PRICKLE2: variants seen among roughly 807,000 people sequenced by gnomAD.
PRICKLE2 encodes prickle-like protein 2.
A neutral mutation model predicts 81.4 loss-of-function variants in PRICKLE2; 21 were observed. The ratio of observed to expected loss-of-function variants is 0.26; its 90% CI spans 0.18 to 0.37. The LOEUF is 0.37. Ranked by LOEUF, PRICKLE2 falls within the 10% of genes least tolerant of loss-of-function variation. The pLI, the probability that PRICKLE2 is intolerant of heterozygous loss-of-function variation, is 1.00. For missense variants in PRICKLE2, 940 were observed against 1,109.0 expected, an observed-to-expected ratio of 0.85 and a Z score of 2.16; for synonymous variants, 456 against 421.5, an observed-to-expected ratio of 1.08 and a Z score of -1.00.
intron 2 of PRICKLE2, among the ~76,000 whole-genome samples, chr3:64,238,222 C>G (rs1331773206): frequency 5.9e-5 from 9 of 152,126 alleles, no homozygotes. Context: ...TGGGGTGGCT[C>G]ACACCCGTAA....
intron 1 of PRICKLE2, among the ~76,000 whole-genome samples, chr3:64,216,636 G>A (rs181456663): frequency 2.0e-5 from 3 of 152,196 alleles, no homozygotes; most frequent in East Asian, 1.9e-4. Context: ...GGCAAACAAC[G>A]TGAGTGTTTA....
At chr3:64,225,672 G>GA (rs1302269070), upstream of PRICKLE2, among the ~76,000 whole-genome samples, 1 of 151,916 alleles carries the variant, frequency 6.6e-6, no homozygotes, top group South Asian at 2.1e-4. Flanking sequence ...AAATGAGCAT[G>GA]AAAAAAATCA....
At chr3:64,179,233 T>C (rs2078084184) in intron 2 of PRICKLE2, among the ~76,000 whole-genome samples, 1 of 151,854 alleles carries the variant, frequency 6.6e-6, no homozygotes, top group Non-Finnish European at 1.5e-5. Context: ...TGTACCACCA[T>C]GCCTGGCTAA....
chr3:64,129,031 G>A (rs1174331606), intron 7 of PRICKLE2, among the ~76,000 whole-genome samples: 1 of 152,066 alleles, frequency 6.6e-6, no homozygotes, highest in African/African-American at 2.4e-5. Context: ...CTACCCACCA[G>A]ATCACAAGCC....
rs190045730 is a variant in PRICKLE2, at chr3:64,203,707, C to T, written c.-40-4740G>A. On this transcript the variant is annotated intron_variant, in intron 1 of 7. Coordinates refer to ENST00000638394, the MANE Select transcript of PRICKLE2 (RefSeq NM_198859.4). ...AAAGAGACGATGGGGAGGGCTGAGG[C>T]CCCATGTGGTCATTCAACAAATAAC... 2.6e-4 allele frequency among the ~76,000 whole-genome samples: 40 copies of T among 151,634 alleles called. No homozygotes were observed. In the East Asian group the frequency reaches 5.7e-3, roughly 22 times the overall value.
At chr3:64,169,719 A>G (rs966055198) in intron 2 of PRICKLE2, among the ~76,000 whole-genome samples, 3 of 152,194 alleles carry the variant, frequency 2.0e-5, no homozygotes, top group Non-Finnish European at 4.4e-5. Flanking sequence ...TATAAAATCC[A>G]ACTTAACCCA....
At chr3:64,198,708 G>A in intron 2 of PRICKLE2, 76 bp downstream of exon 2, 1 of 1,457,670 alleles carries the variant, frequency 6.9e-7, no homozygotes, top group Non-Finnish European at 9.6e-7. Flanking sequence ...TCTTCCTACA[G>A]AACTGGAATG....
intron 1 of PRICKLE2, among the ~76,000 whole-genome samples, chr3:64,217,429 G>A (rs1575678587): frequency 6.6e-6 from 1 of 152,126 alleles, no homozygotes; most frequent in South Asian, 2.1e-4. Context: ...TATCCATCAC[G>A]TAAATAGTGT....
At chr3:64,212,170 G>C (rs1310680907) in intron 1 of PRICKLE2, among the ~76,000 whole-genome samples, 3 of 152,192 alleles carry the variant, frequency 2.0e-5, no homozygotes, top group African/African-American at 7.2e-5. Context: ...GTGCAAGGCT[G>C]TGGGGTATCT....
intron 6 of PRICKLE2, among the ~76,000 whole-genome samples, chr3:64,152,418 G>C (rs1246324558): frequency 6.6e-6 from 1 of 152,162 alleles, no homozygotes; most frequent in Non-Finnish European, 1.5e-5. Flanking sequence ...AGCGTTAAAG[G>C]GTTGAACAAA....
chr3:64,163,267 A>G (rs2107046356), intron 2 of PRICKLE2, 138 bp from the exon 3 acceptor site: 4 of 724,294 alleles, frequency 5.5e-6, no homozygotes, highest in Non-Finnish European at 5.1e-6. Flanking sequence ...TCAACAGCAG[A>G]TGAGTTTCCT....
At chr3:64,205,060 C>T (rs186383343) in intron 1 of PRICKLE2, among the ~76,000 whole-genome samples, 1 of 141,576 alleles carries the variant, frequency 7.1e-6, no homozygotes, top group East Asian at 2.1e-4. Context: ...TTTAAATAGA[C>T]ATTTATGAAA....
At chr3:64,215,100 TA>T (rs1409760075) in intron 1 of PRICKLE2, among the ~76,000 whole-genome samples, 2 of 152,128 alleles carry the variant, frequency 1.3e-5, no homozygotes, top group Non-Finnish European at 2.9e-5. Flanking sequence ...CTCTCCTGCT[TA>T]AAATGTGCCA....
intron 2 of PRICKLE2, among the ~76,000 whole-genome samples, chr3:64,259,856 C>A (rs893976986): frequency 2.6e-5 from 4 of 152,072 alleles, no homozygotes; most frequent in Non-Finnish European, 5.9e-5. Flanking sequence ...CAGCCAACAC[C>A]CTGACTTTCA....
At chr3:64,244,603 GGTGTGTGTGTGTGTGTGT>G (rs71680837) in intron 2 of PRICKLE2, among the ~76,000 whole-genome samples, 1 of 91,624 alleles carries the variant, frequency 1.1e-5, no homozygotes, top group African/African-American at 3.1e-5. Flanking sequence ...GTGAATGACT[GGTGTGTGTGTGTGTGTGT>G]GTGTGTGTGT....
intron 2 of PRICKLE2, among the ~76,000 whole-genome samples, chr3:64,239,070 A>G (rs1452980752): frequency 6.6e-6 from 1 of 152,094 alleles, no homozygotes; most frequent in African/African-American, 2.4e-5. Context: ...ACAGGCCCAG[A>G]CGGATGTCAG....
At chr3:64,226,809 C>T (rs1559592225), upstream of PRICKLE2, among the ~76,000 whole-genome samples, 1 of 152,188 alleles carries the variant, frequency 6.6e-6, no homozygotes, top group Non-Finnish European at 1.5e-5. Flanking sequence ...AGGCAAGAGC[C>T]AGGCAATATT....
chr3:64,190,363 A>G (rs1197050304), intron 2 of PRICKLE2: 1 of 151,828 alleles, frequency 6.6e-6, no homozygotes, highest in African/African-American at 2.4e-5. Context: ...AGTTTTCTAA[A>G]TATTTACAAT....
chr3:64,254,397 C>A (rs1226673743), intron 2 of PRICKLE2, among the ~76,000 whole-genome samples: 1 of 152,134 alleles, frequency 6.6e-6, no homozygotes, highest in East Asian at 1.9e-4. Context: ...TCTCCCAAGG[C>A]GACAGACAAG....
Sources: allele counts gnomAD v4.1 joint callset (sites outside exome capture counted in the v4.1 genomes callset), GRCh38; gene constraint gnomAD v4.1.1; transcripts MANE v1.5; gene names NCBI Gene and HGNC (gene_info 2026-07-23, HGNC 2026-07-21).